TNRC18: variants seen among roughly 807,000 people sequenced by gnomAD.
The protein encoded by TNRC18 is trinucleotide repeat-containing gene 18 protein.
Under a neutral mutation model 226.7 loss-of-function variants are expected in TNRC18, and 69 were observed. That is an observed-to-expected ratio of 0.30 (90% confidence interval 0.25 to 0.37). The LOEUF (loss-of-function observed/expected upper bound fraction) is 0.37. Among genes scored for constraint, TNRC18 ranks in the 10% least tolerant of loss-of-function variants. The probability of loss-of-function intolerance (pLI) is 1.00; values close to 1 mark genes in which losing one functional copy is unlikely to be tolerated. For missense variants in TNRC18, 4,754 were observed against 4,256.6 expected, an observed-to-expected ratio of 1.12 and a Z score of -3.25; for synonymous variants, 2,449 against 1,927.6, an observed-to-expected ratio of 1.27 and a Z score of -7.09.
At chr7:5,403,118 A>C (rs1284453424) in intron 2 of TNRC18, among the ~76,000 whole-genome samples, 6 of 151,588 alleles carry the variant, frequency 4.0e-5, no homozygotes, top group Non-Finnish European at 7.4e-5. Context: ...GCACATTTTC[A>C]ATCCCAGACA....
chr7:5,354,682 T>C (rs1163150958), intron 16 of TNRC18, among the ~76,000 whole-genome samples: 1 of 152,002 alleles, frequency 6.6e-6, no homozygotes, highest in Non-Finnish European at 1.5e-5. Flanking sequence ...GCCAGCTGCT[T>C]AACTCACACC....
chr7:5,332,657 C>T lies in TNRC18; in HGVS notation c.6112G>A (p.Ala2038Thr). 1.3e-6 allele frequency: 2 copies of T among 1,530,714 alleles called. No homozygotes were observed. Among genetic ancestry groups the T allele is most frequent in the South Asian group, 1.2e-5 (1 of 82,328 alleles). 94.8% of individuals were successfully genotyped at this position (1,530,714 alleles called of 1,614,324 possible). A position where few individuals can be genotyped will look rare whatever the true frequency, so the allele number is the denominator to read the frequency against. ...KGGPLSPRKD[A>T]GRAKDRKDPR... ...TCCTTCCTGTCCTTTGCACGCCCGG[C>T]GTCCTTGCGCGGGCTCAGGGGGCCG... Residue 2038 changes from alanine to threonine, a missense_variant, in exon 19 of 30, where the codon GCC becomes ACC. Physicochemically the swap from Ala to Thr is moderately conservative, Grantham distance 58 (BLOSUM62 0). Coordinates refer to ENST00000430969, the MANE Select transcript of TNRC18 (RefSeq NM_001080495.3).
intron 2 of TNRC18, among the ~76,000 whole-genome samples, chr7:5,415,414 T>C (rs1782120074): frequency 7.1e-6 from 1 of 140,906 alleles, no homozygotes; most frequent in Non-Finnish European, 1.5e-5. Flanking sequence ...TCTGTCTCTG[T>C]CGCCCAGGCT....
intron 2 of TNRC18, among the ~76,000 whole-genome samples, chr7:5,418,015 G>T (rs1241607783): frequency 1.3e-5 from 2 of 152,298 alleles, no homozygotes; most frequent in South Asian, 2.1e-4. Context: ...AAGCCAGAGT[G>T]CAGGGTCTCC....
Position 5,332,649 on chromosome 7 carries a change from A to ACGCC in TNRC18, c.6116_6119dup (p.Lys2042CysfsTer33). The stretch of plus-strand genomic sequence containing the variant: ...TCCTGGGGTCCTTCCTGTCCTTTGC[A>ACGCC]CGCCCGGCGTCCTTGCGCGGGCTCA... On this transcript the variant is annotated frameshift_variant, in exon 19 of 30. Transcript: ENST00000430969. LOFTEE classifies it high-confidence loss of function. The ACGCC allele has an allele frequency of 6.5e-7, 1 of 1,529,924 alleles. No individual in the cohort carries two copies. Among genetic ancestry groups the ACGCC allele is most frequent in the Non-Finnish European group, 8.8e-7 (1 of 1,140,796 alleles). The allele number at this position is 1,529,924 out of a possible 1,614,324, so 94.8% of individuals were successfully genotyped here. A position where few individuals can be genotyped will look rare whatever the true frequency, so the allele number is the denominator to read the frequency against.
chr7:5,418,161 T>C (rs1250138845), intron 2 of TNRC18, among the ~76,000 whole-genome samples: 5 of 152,190 alleles, frequency 3.3e-5, no homozygotes, highest in South Asian at 2.1e-4. Flanking sequence ...TGAGGACAAC[T>C]GAGTCCAGGC....
chr7:5,335,605 G>A (rs76308555), intron 18 of TNRC18, among the ~76,000 whole-genome samples: 77 of 126,784 alleles, frequency 6.1e-4, no homozygotes, highest in Non-Finnish European at 6.6e-4. Context: ...ACTCCGTCTA[G>A]AAAAAAAAAA....
At position 5,315,077 on chromosome 7, in the gene TNRC18, C is replaced by T. The variant is rs1461788183; in HGVS notation, c.6934G>A (p.Gly2312Arg). 3 of 1,612,666 alleles carry T rather than the reference C, an allele frequency of 1.9e-6. No homozygotes were observed. The South Asian group carries it at 3.3e-5, about 18-fold the overall frequency. Residue 2312 changes from glycine (G) to arginine (R), a missense_variant, in exon 26 of 30, where the codon GGG becomes AGG. Coordinates refer to ENST00000430969, the MANE Select transcript of TNRC18 (RefSeq NM_001080495.3). ...RRSRKTSKDTGEGKDGGTAGS... is the reference protein window; with the variant it reads ...RRSRKTSKDTREGKDGGTAGS... ...GCCGTGCCACCATCTTTGCCCTCCCCAGTGTCTTTGCTGGTCTTCCGGCTG... is the reference window on the plus strand; with the variant it reads ...GCCGTGCCACCATCTTTGCCCTCCCTAGTGTCTTTGCTGGTCTTCCGGCTG...
chr7:5,348,930 G>A (rs1205636962), intron 17 of TNRC18, among the ~76,000 whole-genome samples: 1 of 151,986 alleles, frequency 6.6e-6, no homozygotes, highest in Non-Finnish European at 1.5e-5. Flanking sequence ...GTCTCCCTGG[G>A]GTGGGCCAAT....
chr7:5,347,620 G>C (rs1011734110), intron 17 of TNRC18, among the ~76,000 whole-genome samples: 4 of 151,722 alleles, frequency 2.6e-5, no homozygotes, highest in Admixed American at 2.6e-4. Context: ...AGTTATGGTG[G>C]CACCACTGCA....
chr7:5,326,222 G>A (rs542997680), intron 19 of TNRC18, among the ~76,000 whole-genome samples: 23 of 151,648 alleles, frequency 1.5e-4, no homozygotes, highest in South Asian at 2.1e-4. Context: ...TGAAGGCTAC[G>A]CAGACACAAC....
At chr7:5,368,460 C>T (rs1189969368) in intron 11 of TNRC18, among the ~76,000 whole-genome samples, 5 of 152,030 alleles carry the variant, frequency 3.3e-5, no homozygotes, top group African/African-American at 7.2e-5. Context: ...GTCAGGAGTA[C>T]GAGACCAGCC....
At chr7:5,322,672 C>T (rs1179597241) in intron 21 of TNRC18, among the ~76,000 whole-genome samples, 13 of 152,362 alleles carry the variant, frequency 8.5e-5, no homozygotes, top group Non-Finnish European at 1.9e-4. Flanking sequence ...GCGGTCACCT[C>T]TCATTGCCCC....
intron 11 of TNRC18, among the ~76,000 whole-genome samples, chr7:5,369,402 T>C (rs1793940367): frequency 6.6e-6 from 1 of 152,052 alleles, no homozygotes; most frequent in Admixed American, 6.6e-5. Flanking sequence ...CCCTTGAGAA[T>C]GAATCTCAGT....
chr7:5,319,578 G>A (rs763910405), intron 24 of TNRC18, among the ~76,000 whole-genome samples: 5 of 152,040 alleles, frequency 3.3e-5, no homozygotes, highest in Non-Finnish European at 5.9e-5. Flanking sequence ...GTGCAATCCT[G>A]GCTCACTGCA....
Position 5,312,056 on chromosome 7 carries a change from A to C in TNRC18, c.8388+447T>G, listed in dbSNP as rs1277777013. On this transcript the variant is annotated intron_variant, in intron 27 of 29. Coordinates refer to ENST00000430969, the MANE Select transcript of TNRC18 (RefSeq NM_001080495.3). This position sits in a 1 kb window ranked among gnomAD's most constrained non-coding sequence, Gnocchi z 6.3. ...GAGGCTGACGCAGGAGAATTGCTTGAACCCGGGAGGCAGAGGGTGCAGTAA... is the reference window on the plus strand; with the variant it reads ...GAGGCTGACGCAGGAGAATTGCTTGCACCCGGGAGGCAGAGGGTGCAGTAA... Among the ~76,000 whole-genome samples the C allele has an allele frequency of 1.3e-5, 2 of 152,110 alleles. No homozygotes were observed. The highest frequency in any genetic ancestry group is 4.8e-5 in the African/African-American group (2 of 41,422).
intron 19 of TNRC18, among the ~76,000 whole-genome samples, chr7:5,327,402 TG>T (rs1789041359): frequency 6.6e-6 from 1 of 151,682 alleles, no homozygotes; most frequent in East Asian, 1.9e-4. Context: ...TGTGTGTGTG[TG>T]TGTGTGTGTC....
At chr7:5,314,786 T>C (rs1787674391) in intron 26 of TNRC18, among the ~76,000 whole-genome samples, 198 bp downstream of exon 26, 1 of 152,092 alleles carries the variant, frequency 6.6e-6, no homozygotes, top group South Asian at 2.1e-4. Context: ...TTGGCCAGAC[T>C]GGTCTTGAAC....
At chr7:5,391,531 G>A (rs1003175400) in intron 3 of TNRC18, among the ~76,000 whole-genome samples, 3 of 151,748 alleles carry the variant, frequency 2.0e-5, no homozygotes, top group Non-Finnish European at 4.4e-5. Flanking sequence ...GGCTGGTCTC[G>A]AACTCCCGGC....
Sources: gnomAD v4.1 joint callset for allele counts (sites outside exome capture counted in the v4.1 genomes callset) on GRCh38, gnomAD v4.1.1 for gene constraint, Gnocchi (gnomAD v3.1) non-coding constraint, MANE v1.5 for transcripts, NCBI Gene and HGNC (gene_info 2026-07-23, HGNC 2026-07-21) for gene names.